Variants in LNX2 observed in about 807,000 individuals in gnomAD.
LNX2 encodes the protein ligand of Numb protein X 2.
A neutral mutation model predicts 66.2 loss-of-function variants in LNX2; 35 were observed. That is an observed-to-expected ratio of 0.53 (90% confidence interval 0.40 to 0.70). The LOEUF (loss-of-function observed/expected upper bound fraction) is 0.70, where lower values mean the gene tolerates loss of function less well. Ranked by LOEUF, LNX2 falls within the 30% of genes least tolerant of loss-of-function variation. The pLI, the probability that LNX2 is intolerant of heterozygous loss-of-function variation, is 0.00. For missense variants in LNX2, 791 were observed against 850.8 expected, an observed-to-expected ratio of 0.93 and a Z score of 0.87; for synonymous variants, 337 against 315.6, an observed-to-expected ratio of 1.07 and a Z score of -0.72.
intron 7 of LNX2, among the ~76,000 whole-genome samples, chr13:27,555,027 T>C (rs1018504103): frequency 2.6e-5 from 4 of 152,194 alleles, no homozygotes; most frequent in African/African-American, 9.6e-5. Flanking sequence ...CTCAGCTCAC[T>C]GTAGCCTTGA....
intron 1 of LNX2, among the ~76,000 whole-genome samples, chr13:27,605,635 A>G (rs1955706176): frequency 6.6e-6 from 1 of 152,214 alleles, no homozygotes; most frequent in African/African-American, 2.4e-5. Flanking sequence ...TCCAAATTGT[A>G]TATTACCTCT....
intron 1 of LNX2, among the ~76,000 whole-genome samples, chr13:27,585,832 A>G (rs1435518766): frequency 2.6e-5 from 4 of 152,058 alleles, no homozygotes; most frequent in Non-Finnish European, 5.9e-5. Context: ...TGACTAAGAA[A>G]GTATTTAAGA....
intron 2 of LNX2, among the ~76,000 whole-genome samples, chr13:27,579,073 C>T (rs1439208838): frequency 6.6e-6 from 1 of 152,114 alleles, no homozygotes; most frequent in Admixed American, 6.5e-5. Context: ...ATCTACAACC[C>T]GGCATTAGAT....
At chr13:27,583,209 T>TGCGCGCGCGCACGC (rs1566124679) in intron 1 of LNX2, among the ~76,000 whole-genome samples, 3 of 28,836 alleles carry the variant, frequency 1.0e-4, no homozygotes, top group Admixed American at 7.0e-4. Context: ...TGTGTGTGTG[T>TGCGCGCGCGCACGC]GTGTGTGTGT....
At chr13:27,610,211 C>T (rs1039645972) in intron 1 of LNX2, among the ~76,000 whole-genome samples, 6 of 152,202 alleles carry the variant, frequency 3.9e-5, no homozygotes, top group Non-Finnish European at 8.8e-5. Flanking sequence ...TACCTGGCCT[C>T]TCCCTACCAA....
At position 27,569,042 on chromosome 13, in the gene LNX2, G is replaced by A. The variant is rs766032456; in HGVS notation, c.642C>T (p.Ser214=). The A allele has an allele frequency of 1.4e-5, 23 of 1,613,114 alleles. No individual in the cohort carries two copies. In the Admixed American group the frequency reaches 1.8e-4, roughly 13 times the overall value. ...PGLDNPAFEE[S]AGADTTQQPL... is the part of the protein sequence containing the mutation. ...CACCACACATACTGTCAGCTCCAGCGCTCTCCTCAAAGGCAGGGTTGTCAA... is the reference window on the plus strand; with the variant it reads ...CACCACACATACTGTCAGCTCCAGCACTCTCCTCAAAGGCAGGGTTGTCAA... Residue 214 remains serine (S), a synonymous_variant, in exon 3 of 10, where the codon AGC becomes AGT. Coordinates refer to ENST00000316334, the MANE Select transcript of LNX2 (RefSeq NM_153371.4).
chr13:27,609,862 GA>G (rs1312354095), intron 1 of LNX2, among the ~76,000 whole-genome samples: 3 of 152,128 alleles, frequency 2.0e-5, no homozygotes, highest in Non-Finnish European at 4.4e-5. Flanking sequence ...ATTAAAAACA[GA>G]AAAGAAATTC....
In LNX2 at chr13:27,567,805, T is replaced by A; in HGVS notation, c.690A>T (p.Glu230Asp). ...TQQPLSLPEG[E>D]ITTIEIHRSN... The stretch of plus-strand genomic sequence containing the variant: ...ACCGATGAATTTCAATCGTGGTGAT[T>A]TCTCCTTCTGGTAAACTAAGTGGCT... The change falls in exon 4 of 10, where the codon GAA becomes GAT. Residue 230 changes from glutamate (E) to aspartate (D), a missense_variant. Coordinates refer to ENST00000316334, the MANE Select transcript of LNX2 (RefSeq NM_153371.4). The A allele has an allele frequency of 6.2e-7, 1 of 1,614,118 alleles. No homozygotes were observed. Among genetic ancestry groups the A allele is most frequent in the Non-Finnish European group, 8.5e-7 (1 of 1,179,994 alleles).
At chr13:27,554,077 T>C (rs542243914) in intron 7 of LNX2, among the ~76,000 whole-genome samples, 1 of 152,322 alleles carries the variant, frequency 6.6e-6, no homozygotes, top group Non-Finnish European at 1.5e-5. Flanking sequence ...ATTAGTTTTG[T>C]AGGAAGCAGA....
chr13:27,591,741 C>T (rs1437531570), intron 1 of LNX2, among the ~76,000 whole-genome samples: 3 of 152,046 alleles, frequency 2.0e-5, no homozygotes, highest in Admixed American at 2.0e-4. Flanking sequence ...GGAGGATAGA[C>T]AACATATAAG....
chr13:27,612,449 T>C (rs1955782827), intron 1 of LNX2, among the ~76,000 whole-genome samples: 2 of 152,236 alleles, frequency 1.3e-5, no homozygotes, highest in African/African-American at 4.8e-5. Context: ...TCTTCAGTGA[T>C]ACCCCACTTT....
intron 1 of LNX2, among the ~76,000 whole-genome samples, chr13:27,583,255 T>TGCGC (rs1227667311): frequency 0.012 from 703 of 58,512 alleles, 194 homozygotes; most frequent in Non-Finnish European, 0.015. Flanking sequence ...TGTGTGTGTG[T>TGCGC]GCGCGCGTCC....
chr13:27,583,228 G>GTCC (rs1237951910), intron 1 of LNX2, among the ~76,000 whole-genome samples: 1 of 27,824 alleles, frequency 3.6e-5, no homozygotes, highest in African/African-American at 2.2e-4. Flanking sequence ...GTGTGTGTGT[G>GTCC]TGTGTGTGTG....
chr13:27,571,237 G>C (rs1593246451), intron 2 of LNX2, among the ~76,000 whole-genome samples: 1 of 152,138 alleles, frequency 6.6e-6, no homozygotes, highest in East Asian at 1.9e-4. Flanking sequence ...TAACTAGGGA[G>C]ACAAGCAGTC....
chr13:27,615,665 T>G (rs1955818336), intron 1 of LNX2, among the ~76,000 whole-genome samples: 1 of 152,134 alleles, frequency 6.6e-6, no homozygotes, highest in Non-Finnish European at 1.5e-5. Flanking sequence ...ACTTAGCGCT[T>G]TGCAGATTCC....
chr13:27,551,278 A>G (rs1045421977), intron 8 of LNX2, among the ~76,000 whole-genome samples: 15 of 151,272 alleles, frequency 9.9e-5, no homozygotes, highest in Admixed American at 3.3e-4. Context: ...CCCCATCTTT[A>G]AAAAAAAAGA....
chr13:27,571,874 T>C (rs1955284949), intron 2 of LNX2, among the ~76,000 whole-genome samples: 1 of 152,166 alleles, frequency 6.6e-6, no homozygotes, highest in South Asian at 2.1e-4. Flanking sequence ...TTTGTGCCAA[T>C]TACTTACGTA....
At chr13:27,575,577 G>A (rs531063620) in intron 2 of LNX2, among the ~76,000 whole-genome samples, 1 of 152,160 alleles carries the variant, frequency 6.6e-6, no homozygotes, top group South Asian at 2.1e-4. Flanking sequence ...CCTCAGACTG[G>A]GATCACTGGC....
At chr13:27,574,221 G>C (rs1955318567) in intron 2 of LNX2, among the ~76,000 whole-genome samples, 1 of 152,196 alleles carries the variant, frequency 6.6e-6, no homozygotes, top group Admixed American at 6.5e-5. Flanking sequence ...AAGGCGGGTG[G>C]ATCACTTGGG....
Sources: allele counts gnomAD v4.1 joint callset (sites outside exome capture counted in the v4.1 genomes callset), GRCh38; gene constraint gnomAD v4.1.1; transcripts MANE v1.5; gene names NCBI Gene and HGNC (gene_info 2026-07-23, HGNC 2026-07-21).